Variants in ENOX2 observed in about 807,000 individuals in gnomAD.
ENOX2 encodes ecto-NOX disulfide-thiol exchanger 2.
Under a neutral mutation model 45.0 loss-of-function variants are expected in ENOX2, and 36 were observed. The ratio of observed to expected loss-of-function variants is 0.80; its 90% CI spans 0.61 to 1.06. The LOEUF is 1.06. Among genes scored for constraint, ENOX2 ranks in the 50% least tolerant of loss-of-function variants. The pLI is 0.00. For synonymous variants in ENOX2, 174 were observed against 152.3 expected (o/e 1.14, Z -1.05); for missense variants, 423 against 462.5 (o/e 0.91, Z 0.78).
intron 2 of ENOX2, among the ~76,000 whole-genome samples, chrX:130,814,795 C>A (rs888325333): frequency 2.7e-5 from 3 of 111,595 alleles, no homozygotes; most frequent in Admixed American, 9.5e-5. Flanking sequence ...GAGGAAAAAC[C>A]AGTGCAAAAA....
At chrX:130,713,565 T>C (rs974437780) in intron 3 of ENOX2, among the ~76,000 whole-genome samples, 2 of 111,492 alleles carry the variant, frequency 1.8e-5, no homozygotes, top group African/African-American at 6.5e-5. Context: ...CAGTCTGTAA[T>C]TGCCAACCCT....
In ENOX2 at chrX:130,631,506, C is replaced by G; in HGVS notation, c.1490G>C (p.Ser497Thr). ...TTCACGTTCAGATTTGATAGGACTG[C>G]TGTTCATGGTCTTCTCAAGAGGGTA... Reference protein sequence around the residue: ...SEYPLEKTMNSSPIKSEREAL... With the variant: ...SEYPLEKTMNTSPIKSEREAL... Residue 497 changes from serine (S) to threonine (T), a missense_variant, in exon 13 of 15, where the codon AGC (serine) becomes ACC (threonine). By Grantham distance (58) the Ser-to-Thr change is moderately conservative. Coordinates refer to ENST00000394363, the MANE Select transcript of ENOX2 (RefSeq NM_006375.4). 2.5e-6 allele frequency: 3 copies of G among 1,203,679 alleles called. No homozygotes were observed. In the South Asian group the frequency reaches 5.3e-5, roughly 21 times the overall value.
intron 10 of ENOX2, among the ~76,000 whole-genome samples, chrX:130,649,949 C>A (rs2036356067): frequency 8.9e-6 from 1 of 112,461 alleles, no homozygotes; most frequent in African/African-American, 3.2e-5. Flanking sequence ...AGGACAGCAT[C>A]TTGAGCTGGA....
At chrX:130,730,536 A>T in intron 3 of ENOX2, among the ~76,000 whole-genome samples, 1 of 112,694 alleles carries the variant, frequency 8.9e-6, no homozygotes, top group South Asian at 3.7e-4. Context: ...ATCAAAAAGC[A>T]TCTGAGACAA....
chrX:130,707,681 G>T (rs5977354), intron 3 of ENOX2, among the ~76,000 whole-genome samples: 1,445 of 111,823 alleles, frequency 0.013, 22 homozygotes, highest in African/African-American at 0.045. Context: ...TGTCCGAGTG[G>T]ATATCCACTG....
At position 130,742,067 on chromosome X, in the gene ENOX2, CCTTT is replaced by C. The variant is rs769770357; in HGVS notation, c.-38-38817_-38-38814del. Reference sequence around the variant, plus strand: ...TACCATTTTTCTTATGTTTAATTCCCCTTTCTTTTTCAGAGGAAGGGGAAACTCA... The same window carrying C: ...TACCATTTTTCTTATGTTTAATTCCCCTTTTTCAGAGGAAGGGGAAACTCA... On this transcript the variant is annotated intron_variant, in intron 3 of 14. Transcript: ENST00000394363. Among the ~76,000 whole-genome samples the C allele has an allele frequency of 2.2e-4, 24 of 110,563 alleles. No individual in the cohort carries two copies. In the East Asian group the frequency reaches 6.8e-3, roughly 31 times the overall value.
Position 130,657,626 on chromosome X carries a change from G to A in ENOX2, c.1015-931C>T, listed in dbSNP as rs955939924. 5.3e-4 allele frequency among the ~76,000 whole-genome samples: 60 copies of A among 112,685 alleles called. 1 individual carries two copies. The highest frequency in any genetic ancestry group is 1.9e-3 in the African/African-American group (59 of 31,039). On this transcript the variant is annotated intron_variant, in intron 9 of 14. Coordinates refer to ENST00000394363, the MANE Select transcript of ENOX2 (RefSeq NM_006375.4). ...CAGCACAGCTAAGGCTAAAATAACT[G>A]AAATGACAACTGAGCTGGCCATCCA...
At chrX:130,826,669 A>G (rs143303692) in intron 2 of ENOX2, among the ~76,000 whole-genome samples, 1,242 of 112,107 alleles carry the variant, frequency 0.011, 25 homozygotes, top group African/African-American at 0.038. Flanking sequence ...AAAGTGAACA[A>G]GAGATAATTC....
intron 2 of ENOX2, among the ~76,000 whole-genome samples, chrX:130,807,200 G>T (rs766048379): frequency 8.9e-6 from 1 of 112,140 alleles, no homozygotes; most frequent in Non-Finnish European, 1.9e-5. Context: ...TGAGCTGAAA[G>T]AATAAGATAT....
intron 10 of ENOX2, among the ~76,000 whole-genome samples, chrX:130,638,431 A>AAC (rs34648095): frequency 0.11 from 10,362 of 92,608 alleles, 524 homozygotes; most frequent in Admixed American, 0.14. Flanking sequence ...AACAATTTGA[A>AAC]ACACACACAC....
intron 6 of ENOX2, among the ~76,000 whole-genome samples, chrX:130,672,144 C>T (rs2037006129): frequency 8.9e-6 from 1 of 112,091 alleles, no homozygotes. Flanking sequence ...CACAATCAAA[C>T]ATCTACAGGC....
intron 2 of ENOX2, among the ~76,000 whole-genome samples, chrX:130,882,873 T>C (rs1402661310): frequency 9.0e-6 from 1 of 111,586 alleles, no homozygotes; most frequent in African/African-American, 3.3e-5. Context: ...GTTAAGAGCA[T>C]TGGCTCTGAA....
chrX:130,747,127 G>A (rs1326985942), intron 3 of ENOX2, among the ~76,000 whole-genome samples: 1 of 111,748 alleles, frequency 8.9e-6, no homozygotes, highest in Non-Finnish European at 1.9e-5. Context: ...ATTTCCCTTG[G>A]CCAGGGAGGC....
chrX:130,899,823 T>C (rs191674639), intron 2 of ENOX2, among the ~76,000 whole-genome samples: 1 of 112,032 alleles, frequency 8.9e-6, no homozygotes, highest in African/African-American at 3.2e-5. Flanking sequence ...CATAGAAACA[T>C]AGCATGTTTT....
At chrX:130,761,504 T>C (rs1302498700) in intron 3 of ENOX2, among the ~76,000 whole-genome samples, 1 of 112,053 alleles carries the variant, frequency 8.9e-6, no homozygotes, top group Non-Finnish European at 1.9e-5. Context: ...CATTCTTGTA[T>C]TGCTATAAAT....
chrX:130,649,678 G>A lies in ENOX2; in HGVS notation c.1129+6903C>T, dbSNP rs759460185. 1.8e-4 allele frequency among the ~76,000 whole-genome samples: 20 copies of A among 111,876 alleles called. No homozygotes were observed. The South Asian group carries it at 7.1e-3, about 40-fold the overall frequency. Reference sequence around the variant, plus strand: ...GCATGACATATTCATTTTATGATTGGTTTTATTATTAATTTTAATTCTTGT... The same window carrying A: ...GCATGACATATTCATTTTATGATTGATTTTATTATTAATTTTAATTCTTGT... On this transcript the variant is annotated intron_variant, in intron 10 of 14. Coordinates refer to ENST00000394363, the MANE Select transcript of ENOX2 (RefSeq NM_006375.4).
In ENOX2 at chrX:130,882,804, G is replaced by A. The variant is rs191144203; in HGVS notation, c.-183+18880C>T. Among the ~76,000 whole-genome samples, 13 of 111,833 alleles carry A rather than the reference G, an allele frequency of 1.2e-4. No individual in the cohort carries two copies. The East Asian group carries it at 2.3e-3, about 19-fold the overall frequency. Reference sequence around the variant, plus strand: ...GATATCTGCTCCGGGTAGCACACAGGTGGGCAAACAGTTTCTTTAATAAAG... The same window carrying A: ...GATATCTGCTCCGGGTAGCACACAGATGGGCAAACAGTTTCTTTAATAAAG... On this transcript the variant is annotated intron_variant, in intron 2 of 14. Coordinates refer to ENST00000394363, the MANE Select transcript of ENOX2 (RefSeq NM_006375.4).
chrX:130,764,698 A>G (rs2039576487), intron 3 of ENOX2, among the ~76,000 whole-genome samples: 1 of 111,355 alleles, frequency 9.0e-6, no homozygotes, highest in South Asian at 3.8e-4. Flanking sequence ...GCCCTAATTC[A>G]GTACCATCTG....
intron 2 of ENOX2, among the ~76,000 whole-genome samples, chrX:130,849,362 T>C (rs2078167984): frequency 8.9e-6 from 1 of 111,733 alleles, no homozygotes. Flanking sequence ...AAGAAAGATG[T>C]TTGAAGGGAT....
Sources: allele counts gnomAD v4.1 joint callset (sites outside exome capture counted in the v4.1 genomes callset), GRCh38; gene constraint gnomAD v4.1.1; transcripts MANE v1.5; gene names NCBI Gene and HGNC (gene_info 2026-07-23, HGNC 2026-07-21).